RARB: variants seen among roughly 807,000 people sequenced by gnomAD.
RARB encodes the protein HBV-activated protein.
In RARB, 17 loss-of-function variants were observed where a neutral mutation model predicts 51.9. The ratio of observed to expected loss-of-function variants is 0.33; its 90% confidence interval spans 0.22 to 0.49. The LOEUF (loss-of-function observed/expected upper bound fraction) is 0.49, where lower values mean the gene tolerates loss of function less well. Ranked by LOEUF, RARB falls within the 20% of genes least tolerant of loss-of-function variation. The pLI is 0.99. For missense variants in RARB, 369 were observed against 550.8 expected (o/e 0.67, Z 3.30); for synonymous variants, 215 against 195.4 (o/e 1.10, Z -0.84).
intron 3 of RARB, among the ~76,000 whole-genome samples, chr3:25,101,936 T>C (rs4858142): frequency 0.73 from 111,584 of 152,036 alleles, 41,445 homozygotes; most frequent in Admixed American, 0.81. Flanking sequence ...TTTAAAATAA[T>C]TCAGAGTAAA....
chr3:25,210,162 A>G (rs1010573828), intron 5 of RARB, among the ~76,000 whole-genome samples: 1 of 152,212 alleles, frequency 6.6e-6, no homozygotes, highest in African/African-American at 2.4e-5. Flanking sequence ...ACTAGCTAGC[A>G]GAAAAGATTT....
intron 5 of RARB, among the ~76,000 whole-genome samples, chr3:25,195,376 T>A (rs985176731): frequency 5.9e-5 from 9 of 152,026 alleles, no homozygotes; most frequent in Non-Finnish European, 1.0e-4. Context: ...AGAATAGATA[T>A]TTGATGACAT....
At chr3:25,425,767 A>C (rs920497765), upstream of RARB, among the ~76,000 whole-genome samples, 1 of 152,234 alleles carries the variant, frequency 6.6e-6, no homozygotes, top group East Asian at 1.9e-4. Flanking sequence ...GTCTCGCTCA[A>C]TGAGGCTGAT....
chr3:25,445,844 C>T (rs1708907383), intron 1 of RARB, among the ~76,000 whole-genome samples: 1 of 152,102 alleles, frequency 6.6e-6, no homozygotes, highest in South Asian at 2.1e-4. Flanking sequence ...ACAGTTACAA[C>T]TGAAATATTA....
intron 2 of RARB, among the ~76,000 whole-genome samples, chr3:24,996,173 G>A (rs556091921): frequency 1.1e-4 from 16 of 151,938 alleles, no homozygotes; most frequent in African/African-American, 3.9e-4. Context: ...ATTTCTTTGT[G>A]GTTCAATCTT....
intron 5 of RARB, among the ~76,000 whole-genome samples, chr3:25,399,022 G>T (rs1707193859): frequency 6.7e-6 from 1 of 148,570 alleles, no homozygotes; most frequent in African/African-American, 2.5e-5. Context: ...GCAATATGTG[G>T]CCCTCTTCTT....
intron 1 of RARB, among the ~76,000 whole-genome samples, chr3:24,838,701 T>C (rs896444109): frequency 6.6e-6 from 1 of 152,166 alleles, no homozygotes; most frequent in African/African-American, 2.4e-5. Flanking sequence ...CTTCATGTAC[T>C]GGGATGGAAC....
At chr3:25,219,368 G>A (rs1023833125) in intron 5 of RARB, among the ~76,000 whole-genome samples, 2 of 152,130 alleles carry the variant, frequency 1.3e-5, no homozygotes, top group Non-Finnish European at 2.9e-5. Context: ...AAGAGAGAGA[G>A]CATAGAAGAG....
chr3:25,287,079 T>C (rs1199333751), intron 5 of RARB, among the ~76,000 whole-genome samples: 1 of 152,194 alleles, frequency 6.6e-6, no homozygotes, highest in Non-Finnish European at 1.5e-5. Flanking sequence ...TGTGACTCAA[T>C]TTTGTCATTT....
At chr3:25,219,761 G>T (rs1418526702) in intron 5 of RARB, among the ~76,000 whole-genome samples, 4 of 152,142 alleles carry the variant, frequency 2.6e-5, no homozygotes, top group Non-Finnish European at 5.9e-5. Flanking sequence ...CGTTAGATTT[G>T]TCAAAGAACC....
intron 5 of RARB, among the ~76,000 whole-genome samples, chr3:25,377,891 C>A (rs1706511470): frequency 6.6e-6 from 1 of 152,136 alleles, no homozygotes; most frequent in African/African-American, 2.4e-5. Flanking sequence ...TAGCCAAAGC[C>A]CACTTCTTAA....
intron 1 of RARB, among the ~76,000 whole-genome samples, chr3:25,451,844 GT>G (rs1709208390): frequency 6.6e-6 from 1 of 152,190 alleles, no homozygotes; most frequent in Non-Finnish European, 1.5e-5. Flanking sequence ...TAATGCTCCT[GT>G]TTTAATCTAC....
At chr3:25,459,411 C>T (rs1695062591) in intron 1 of RARB, among the ~76,000 whole-genome samples, 1 of 152,144 alleles carries the variant, frequency 6.6e-6, no homozygotes, top group Non-Finnish European at 1.5e-5. Flanking sequence ...TGCTAAAATG[C>T]CGTGTGATGA....
At chr3:24,913,572 G>A (rs974941314) in intron 2 of RARB, among the ~76,000 whole-genome samples, 2 of 152,014 alleles carry the variant, frequency 1.3e-5, no homozygotes, top group African/African-American at 4.8e-5. Context: ...AGGAAATATT[G>A]TTACAAAAAT....
At chr3:25,363,689 C>T (rs1185446710) in intron 5 of RARB, among the ~76,000 whole-genome samples, 1 of 152,202 alleles carries the variant, frequency 6.6e-6, no homozygotes, top group East Asian at 1.9e-4. Flanking sequence ...CTTGCCTCCA[C>T]CCTTTCCATG....
intron 3 of RARB, among the ~76,000 whole-genome samples, chr3:25,555,830 C>A (rs952120796): frequency 6.6e-6 from 1 of 152,292 alleles, no homozygotes; most frequent in Admixed American, 6.5e-5. Context: ...CCACCAAGGG[C>A]TGGAGGCTGC....
intron 4 of RARB, among the ~76,000 whole-genome samples, chr3:25,577,757 A>G (rs1407020175): frequency 6.6e-6 from 1 of 152,216 alleles, no homozygotes; most frequent in African/African-American, 2.4e-5. Flanking sequence ...AAACCAGCAG[A>G]AGAAAGGGAT....
intron 2 of RARB, among the ~76,000 whole-genome samples, chr3:24,977,604 T>G (rs1575101490): frequency 6.6e-6 from 1 of 152,352 alleles, no homozygotes; most frequent in Middle Eastern, 3.4e-3. Flanking sequence ...ATTTTGCACA[T>G]TGATTTTTGT....
intron 2 of RARB, among the ~76,000 whole-genome samples, chr3:25,039,888 C>T (rs751766060): frequency 1.5e-4 from 23 of 152,134 alleles, no homozygotes; most frequent in Non-Finnish European, 2.8e-4. Flanking sequence ...ATAAATCATT[C>T]GTGGCTGGGT....
Sources: allele counts gnomAD v4.1 joint callset (sites outside exome capture counted in the v4.1 genomes callset), GRCh38; gene constraint gnomAD v4.1.1; transcripts MANE v1.5; gene names NCBI Gene and HGNC (gene_info 2026-07-23, HGNC 2026-07-21).